CMYA5: variants seen among roughly 807,000 people sequenced by gnomAD.
The protein encoded by CMYA5 is cardiomyopathy associated 5.
Under a neutral mutation model 318.9 loss-of-function variants are expected in CMYA5, and 246 were observed. The observed-to-expected ratio is 0.77, with a 90% CI of 0.70 to 0.86. The LOEUF (loss-of-function observed/expected upper bound fraction) is 0.86. CMYA5 is among the 40% of genes least tolerant of loss of function. The pLI is 0.00. For synonymous variants in CMYA5, 1,641 were observed against 1,729.5 expected (o/e 0.95, Z 1.27); for missense variants, 4,589 against 4,678.2 (o/e 0.98, Z 0.56).
rs541359737 is a variant in CMYA5 at position 79,764,842 on chromosome 5, T to C, written c.11555+1633T>C. ...TTTGCCCACTTTTTGATGGGGTTTT[T>C]TTTTCTTGTAAATTTGTTTAAGTTC... On this transcript the variant is annotated intron_variant, in intron 9 of 12. Transcript: ENST00000446378. 1.8e-4 allele frequency among the ~76,000 whole-genome samples: 27 copies of C among 152,354 alleles called. No individual in the cohort carries two copies. The East Asian group carries it at 5.2e-3, about 29-fold the overall frequency.
rs750192509 is a variant in CMYA5, at chr5:79,732,608, A to T, written c.3843A>T (p.Pro1281=). 6.2e-7 allele frequency: 1 copy of T among 1,613,298 alleles called. No individual in the cohort carries two copies. The highest frequency in any genetic ancestry group is 8.5e-7 in the Non-Finnish European group (1 of 1,179,624). Residue 1281 remains proline (P), a synonymous_variant, in exon 2 of 13, where the codon CCA becomes CCT. Transcript: ENST00000446378. The part of the protein sequence containing the change: ...LSKNEPEVIK[P]YSPLKETSLS... ...AGAATGAGCCTGAAGTAATAAAACC[A>T]TATTCACCTCTAAAGGAAACATCTT... is the stretch of plus-strand genomic sequence containing the variant.
Position 79,730,661 on chromosome 5 carries a change from A to G in CMYA5, c.1896A>G (p.Glu632=). ...EAIAEHAVLS[E]EENEEFEAYS... ...TAGCTGAACATGCAGTTTTGTCAGAAGAAGAGAATGAGGAATTTGAGGCTT... is the reference window on the plus strand; with the variant it reads ...TAGCTGAACATGCAGTTTTGTCAGAGGAAGAGAATGAGGAATTTGAGGCTT... The change falls in exon 2 of 13, where the codon GAA becomes GAG. Residue 632 remains glutamate, a synonymous_variant. Transcript: ENST00000446378. 6.2e-7 allele frequency: 1 copy of G among 1,614,034 alleles called. No homozygotes were observed. Among genetic ancestry groups the G allele is most frequent in the Non-Finnish European group, 8.5e-7 (1 of 1,179,900 alleles).
chr5:79,735,232 C>T lies in CMYA5; in HGVS notation c.6467C>T (p.Pro2156Leu). The change falls in exon 2 of 13, where the codon CCT becomes CTT. Residue 2156 changes from proline (P) to leucine (L), a missense_variant. Pro to Leu is a moderately conservative substitution (Grantham distance 98, BLOSUM62 -3). Around this residue, in one of 3 missense-constraint regions of CMYA5, gnomAD observed 2,431 missense variants for 2,495.1 expected, o/e 0.97. Transcript: ENST00000446378. ...PESPEVTQNP[P>L]TQPKVAKPDL... ...TCACCTGAGGTGACACAAAATCCAC[C>T]TACACAACCAAAGGTGGCTAAGCCG... is the stretch of plus-strand genomic sequence containing the variant. 6.2e-7 allele frequency: 1 copy of T among 1,613,856 alleles called. No individual in the cohort carries two copies. The highest frequency in any genetic ancestry group is 8.5e-7 in the Non-Finnish European group (1 of 1,179,816).
intron 9 of CMYA5, among the ~76,000 whole-genome samples, chr5:79,777,702 G>C (rs902974490): frequency 6.6e-6 from 1 of 152,074 alleles, no homozygotes; most frequent in African/African-American, 2.4e-5. Flanking sequence ...TTGAACTCAG[G>C]AGGCGGAGGT....
In CMYA5 at chr5:79,690,003, G is replaced by C. The variant is rs950174963; in HGVS notation, c.96G>C (p.Ser32=). 6.1e-6 allele frequency: 9 copies of C among 1,468,876 alleles called. No individual in the cohort carries two copies. In the South Asian group the frequency reaches 1.1e-4, roughly 19 times the overall value. 91.0% of individuals were successfully genotyped at this position (1,468,876 alleles called of 1,614,324 possible). The change falls in exon 1 of 13, where the codon TCG becomes TCC. Residue 32 remains serine (S), a synonymous_variant. Coordinates refer to ENST00000446378, the MANE Select transcript of CMYA5 (RefSeq NM_153610.5). The part of the protein sequence containing the change: ...ATRELETEEE[S]EGEEDETAAE... ...GGGAGCTGGAGACCGAGGAGGAGTC[G>C]GAGGGCGAGGAGGACGAGACGGCGG... is the stretch of plus-strand genomic sequence containing the variant.
rs1829104855 is a variant in CMYA5 at position 79,787,681 on chromosome 5, A to C, written c.11556-1290A>C. On this transcript the variant is annotated intron_variant, in intron 9 of 12. Transcript: ENST00000446378. The stretch of plus-strand genomic sequence containing the variant: ...TGACCTTTTCCAGACATTGGCACTA[A>C]ACAGCAGTTACACAAGCAGGTCCAG... Among the ~76,000 whole-genome samples the C allele has an allele frequency of 2.0e-5, 3 of 152,184 alleles. No individual in the cohort carries two copies. The South Asian group carries it at 6.2e-4, about 32-fold the overall frequency.
At position 79,736,376 on chromosome 5, in the gene CMYA5, A is replaced by C; in HGVS notation, c.7611A>C (p.Lys2537Asn). The C allele has an allele frequency of 6.2e-7, 1 of 1,612,936 alleles. No individual in the cohort carries two copies. The highest frequency in any genetic ancestry group is 1.1e-5 in the South Asian group (1 of 90,938). ...PKIIVGSEKE[K>N]GEEKENQVYV... Reference sequence around the variant, plus strand: ...TCATTGTTGGTTCTGAAAAGGAGAAAGGTGAAGAAAAAGAAAATCAGGTAT... The same window carrying C: ...TCATTGTTGGTTCTGAAAAGGAGAACGGTGAAGAAAAAGAAAATCAGGTAT... Residue 2537 changes from lysine (K) to asparagine (N), a missense_variant, in exon 2 of 13, where the codon AAA becomes AAC. By Grantham distance (94) the Lys-to-Asn change is moderately conservative (BLOSUM62 0). This residue lies in a region of CMYA5 where 2,431 missense variants were observed against 2,495.1 expected (regional missense o/e 0.97). Transcript: ENST00000446378.
At chr5:79,791,993 G>T (rs1352828070) in intron 11 of CMYA5, among the ~76,000 whole-genome samples, 1 of 151,584 alleles carries the variant, frequency 6.6e-6, no homozygotes, top group Non-Finnish European at 1.5e-5. Context: ...GTGCTGCTGT[G>T]CCCTGGTGTC....
rs1828014923 is a variant in CMYA5, at chr5:79,734,870, T to C, written c.6105T>C (p.Asp2035=). 1 of 1,613,584 alleles carries C rather than the reference T, an allele frequency of 6.2e-7. No homozygotes were observed. Among genetic ancestry groups the C allele is most frequent in the Admixed American group, 1.7e-5 (1 of 59,950 alleles). The change falls in exon 2 of 13, where the codon GAT becomes GAC. Residue 2035 remains aspartate (D), a synonymous_variant. Coordinates refer to ENST00000446378, the MANE Select transcript of CMYA5 (RefSeq NM_153610.5). ...NTELSWPSKE[D]SQEKIKLPPE... is the part of the protein sequence containing the mutation. The stretch of plus-strand genomic sequence containing the variant: ...AGCTTTCCTGGCCTTCCAAAGAAGA[T>C]AGCCAGGAAAAAATTAAACTACCTC...
rs141532983 is a variant in CMYA5 at position 79,736,460 on chromosome 5, C to T, written c.7695C>T (p.Ala2565=). The part of the protein sequence containing the change: ...QEHQPYSVNV[A]ESMSRESDIS... ...ATCAGCCTTATTCTGTGAATGTAGC[C>T]GAGTCTATGAGTAGAGAATCAGATA... Residue 2565 remains alanine (A), a synonymous_variant, in exon 2 of 13, where the codon GCC becomes GCT. Coordinates refer to ENST00000446378, the MANE Select transcript of CMYA5 (RefSeq NM_153610.5). The T allele has an allele frequency of 4.6e-3, 7,390 of 1,609,604 alleles. 51 individuals carry two copies. Among genetic ancestry groups the T allele is most frequent in the Non-Finnish European group, 4.4e-3 (5,219 of 1,177,674 alleles).
chr5:79,737,561 G>C lies in CMYA5; in HGVS notation c.8796G>C (p.Lys2932Asn). ...GTGAAGACTTTACAGTGACTAGTAAGCCAGCCGGACTTTCAGAAGATCAGA... is the reference window on the plus strand; with the variant it reads ...GTGAAGACTTTACAGTGACTAGTAACCCAGCCGGACTTTCAGAAGATCAGA... ...AKGEDFTVTS[K>N]PAGLSEDQKT... Residue 2932 changes from lysine (K) to asparagine (N), a missense_variant, in exon 2 of 13, where the codon AAG becomes AAC. Lys to Asn is a moderately conservative substitution (Grantham distance 94, BLOSUM62 0). Transcript: ENST00000446378. 1 of 1,613,670 alleles carries C rather than the reference G, an allele frequency of 6.2e-7. No individual in the cohort carries two copies. Among genetic ancestry groups the C allele is most frequent in the South Asian group, 1.1e-5 (1 of 91,022 alleles).
intron 7 of CMYA5, among the ~76,000 whole-genome samples, chr5:79,760,848 G>C (rs1828637439): frequency 6.6e-6 from 1 of 152,196 alleles, no homozygotes; most frequent in Non-Finnish European, 1.5e-5. Flanking sequence ...CAGTGTACAG[G>C]TCCTTATGAG....
At chr5:79,697,277 C>A (rs1304129269) in intron 1 of CMYA5, among the ~76,000 whole-genome samples, 2 of 152,198 alleles carry the variant, frequency 1.3e-5, no homozygotes, top group Non-Finnish European at 2.9e-5. Flanking sequence ...GTCGCTGAAG[C>A]CTCCTTGCTC....
At chr5:79,767,339 T>G (rs868487420) in intron 9 of CMYA5, among the ~76,000 whole-genome samples, 1 of 152,230 alleles carries the variant, frequency 6.6e-6, no homozygotes, top group Non-Finnish European at 1.5e-5. Flanking sequence ...TCTTGTCTTC[T>G]ACTATCTTTT....
At position 79,778,950 on chromosome 5, in the gene CMYA5, A is replaced by G. The variant is rs1829001795; in HGVS notation, c.11556-10021A>G. Reference sequence around the variant, plus strand: ...TATTATACTCTAAGTTTTAGGGTACATGTGCACATTGTGCAGGTTAGTTAC... The same window carrying G: ...TATTATACTCTAAGTTTTAGGGTACGTGTGCACATTGTGCAGGTTAGTTAC... On this transcript the variant is annotated intron_variant, in intron 9 of 12. Coordinates refer to ENST00000446378, the MANE Select transcript of CMYA5 (RefSeq NM_153610.5). 5.3e-5 allele frequency among the ~76,000 whole-genome samples: 6 copies of G among 113,806 alleles called. No homozygotes were observed. The South Asian group carries it at 1.9e-3, about 36-fold the overall frequency. The allele number at this position is 113,806 out of a possible 152,430, so 74.7% of individuals were successfully genotyped here.
intron 1 of CMYA5, among the ~76,000 whole-genome samples, chr5:79,690,612 G>A (rs968549086): frequency 2.0e-5 from 3 of 152,116 alleles, no homozygotes; most frequent in Non-Finnish European, 2.9e-5. Context: ...ATCAGTTTCC[G>A]TGAATGCGAT....
intron 1 of CMYA5, among the ~76,000 whole-genome samples, chr5:79,728,072 G>A (rs1188806041): frequency 3.3e-5 from 5 of 152,182 alleles, no homozygotes; most frequent in African/African-American, 7.2e-5. Context: ...ACAAGCTCAC[G>A]AGATAGGTTC....
rs112488607 is a variant in CMYA5 at position 79,716,582 on chromosome 5, A to G, written c.150-12333A>G. 2.3e-3 allele frequency among the ~76,000 whole-genome samples: 348 copies of G among 152,384 alleles called. 1 individual carries two copies. The highest frequency in any genetic ancestry group is 7.4e-3 in the African/African-American group (309 of 41,596). Reference sequence around the variant, plus strand: ...TGAGAAGTTAGTGTCTCAACTAACAAGTAAATTACTATCATGCATTTTAAG... The same window carrying G: ...TGAGAAGTTAGTGTCTCAACTAACAGGTAAATTACTATCATGCATTTTAAG... On this transcript the variant is annotated intron_variant, in intron 1 of 12. Coordinates refer to ENST00000446378, the MANE Select transcript of CMYA5 (RefSeq NM_153610.5).
chr5:79,799,389 G>A lies in CMYA5; in HGVS notation c.11983G>A (p.Gly3995Ser). The change falls in exon 13 of 13, where the codon GGT becomes AGT. Residue 3995 changes from glycine to serine, a missense_variant. Coordinates refer to ENST00000446378, the MANE Select transcript of CMYA5 (RefSeq NM_153610.5). ...EPQRYTFFYS[G>S]IVSDVHVTER... The stretch of plus-strand genomic sequence containing the variant: ...TTTCAGATACACATTTTTCTACAGT[G>A]GTATTGTGAGTGATGTTCATGTGAC... 1 of 1,610,196 alleles carries A rather than the reference G, an allele frequency of 6.2e-7. No individual in the cohort carries two copies. Among genetic ancestry groups the A allele is most frequent in the Non-Finnish European group, 8.5e-7 (1 of 1,176,786 alleles).
Sources: gnomAD v4.1 joint callset for allele counts (sites outside exome capture counted in the v4.1 genomes callset) on GRCh38, gnomAD v4.1.1 for gene constraint, gnomAD v4.1.1 regional missense constraint, MANE v1.5 for transcripts, NCBI Gene and HGNC (gene_info 2026-07-23, HGNC 2026-07-21) for gene names.